Variants in MED28 observed in about 807,000 individuals in gnomAD.
The protein encoded by MED28 is mediator of RNA polymerase II transcription subunit 28.
In MED28, 26 loss-of-function variants were observed where a neutral mutation model predicts 21.3. The ratio of observed to expected loss-of-function variants is 1.22; its 90% CI spans 0.89 to 1.69. The LOEUF is 1.69. Among genes scored for constraint, MED28 ranks in the 40% most tolerant of loss-of-function variants. MED28 has a pLI of 0.00. For missense variants in MED28, 257 were observed against 215.4 expected (o/e 1.19, Z -1.21); for synonymous variants, 110 against 87.6 (o/e 1.26, Z -1.43).
Position 17,624,042 on chromosome 4 carries a change from A to G in MED28, c.*244A>G. The G allele has an allele frequency of 2.0e-6, 1 of 504,518 alleles. No individual in the cohort carries two copies. The highest frequency in any genetic ancestry group is 2.6e-5 in the South Asian group (1 of 39,184). The allele number at this position is 504,518 out of a possible 1,614,324, so 31.3% of individuals were successfully genotyped here. Reference sequence around the variant, plus strand: ...TTTTTTTTTGTCTTTAGCAAAGTTTAGACTGTGAATATGATGACACAGATT... The same window carrying G: ...TTTTTTTTTGTCTTTAGCAAAGTTTGGACTGTGAATATGATGACACAGATT... On this transcript the variant is annotated 3_prime_UTR_variant, in exon 4 of 4. Transcript: ENST00000237380.
At chr4:17,615,557 A>T (rs1448832723) in intron 1 of MED28, among the ~76,000 whole-genome samples, 1 of 152,184 alleles carries the variant, frequency 6.6e-6, no homozygotes, top group Non-Finnish European at 1.5e-5. Context: ...CACGCCTGTA[A>T]TCCCAGCACT....
At chr4:17,616,661 A>G (rs1052939224) in intron 1 of MED28, among the ~76,000 whole-genome samples, 2 of 152,158 alleles carry the variant, frequency 1.3e-5, no homozygotes, top group Non-Finnish European at 2.9e-5. Flanking sequence ...TCACTTCCTC[A>G]GTGGACCCTT....
At position 17,632,950 on chromosome 4, in the gene MED28, C is replaced by G. The variant is rs1168762963; in HGVS notation, c.*9152C>G. 1.1e-5 allele frequency: 2 copies of G among 190,074 alleles called. No individual in the cohort carries two copies. The highest frequency in any genetic ancestry group is 2.2e-5 in the Non-Finnish European group (2 of 90,280). The allele number at this position is 190,074 out of a possible 1,614,324, so 11.8% of individuals were successfully genotyped here. On this transcript the variant is annotated 3_prime_UTR_variant, in exon 4 of 4. Coordinates refer to ENST00000237380, the MANE Select transcript of MED28 (RefSeq NM_025205.5). ...TTGTTTTTATTTTTTGTGACAGAGT[C>G]TCCCTCTGTCACCCAGGCTGGAGTG...
rs369807001 is a variant in MED28 at position 17,622,292 on chromosome 4, CAGTG to C, written c.339+596_339+599del. 7.9e-4 allele frequency among the ~76,000 whole-genome samples: 120 copies of C among 152,294 alleles called. 4 individuals are homozygous for C. In the South Asian group the frequency reaches 0.022, roughly 28 times the overall value. ...CTGCCCAAAAAGCCGGCAATGCCCT[CAGTG>C]AGAAACACTGAATTGAGATTATTGG... On this transcript the variant is annotated intron_variant, in intron 3 of 3. Transcript: ENST00000237380.
In MED28 at chr4:17,614,829, G is replaced by C; in HGVS notation, c.159+16G>C. On this transcript the variant is annotated intron_variant, in intron 1 of 3. Transcript: ENST00000237380. The stretch of plus-strand genomic sequence containing the variant: ...ATCTTTCGAGGTAATATAAGACATG[G>C]GCGTCTTTGTCCCTAGCCTTCCCTT... 1 of 1,587,736 alleles carries C rather than the reference G, an allele frequency of 6.3e-7. No homozygotes were observed. The highest frequency in any genetic ancestry group is 2.2e-5 in the East Asian group (1 of 44,492).
rs1490731412 is a variant in MED28 at position 17,633,315 on chromosome 4, C to G, written c.*9517C>G. The G allele has an allele frequency of 6.0e-6, 1 of 167,538 alleles. No individual in the cohort carries two copies. Among genetic ancestry groups the G allele is most frequent in the Non-Finnish European group, 1.3e-5 (1 of 78,872 alleles). The allele number at this position is 167,538 out of a possible 1,614,324, so 10.4% of individuals were successfully genotyped here. A position where few individuals can be genotyped will look rare whatever the true frequency, so the allele number is the denominator to read the frequency against. ...GAAACTATATTGAAGATTTTTGTGC[C>G]AAGTCCTGTGCTAAGCACATCCTAT... On this transcript the variant is annotated 3_prime_UTR_variant, in exon 4 of 4. Transcript: ENST00000237380.
chr4:17,631,855 A>C lies in MED28; in HGVS notation c.*8057A>C. On this transcript the variant is annotated 3_prime_UTR_variant, in exon 4 of 4. Transcript: ENST00000237380. ...TCATTTTACATAGAAACAGCTTTCC[A>C]GTGGAGTTGACTAGCATCCTAAGGA... 1 of 152,210 alleles carries C rather than the reference A, an allele frequency of 6.6e-6. No homozygotes were observed. The highest frequency in any genetic ancestry group is 2.4e-5 in the African/African-American group (1 of 41,514). 9.4% of individuals were successfully genotyped at this position (152,210 alleles called of 1,614,324 possible). A position where few individuals can be genotyped will look rare whatever the true frequency, so the allele number is the denominator to read the frequency against.
intron 1 of MED28, among the ~76,000 whole-genome samples, chr4:17,616,262 A>G (rs557970964): frequency 1.3e-5 from 2 of 152,284 alleles, no homozygotes; most frequent in East Asian, 3.9e-4. Flanking sequence ...GCCAGAAATA[A>G]ATGATTTAAA....
rs1047386186 is a variant in MED28, at chr4:17,630,574, T to A, written c.*6776T>A. ...TTGTTTATAAATTATCCAGTATAAG[T>A]AAGATATTTTGTTAGAGCAGCCTGA... On this transcript the variant is annotated 3_prime_UTR_variant, in exon 4 of 4. Transcript: ENST00000237380. 6.6e-6 allele frequency: 1 copy of A among 152,116 alleles called. No homozygotes were observed. Among genetic ancestry groups the A allele is most frequent in the African/African-American group, 2.4e-5 (1 of 41,454 alleles). 9.4% of individuals were successfully genotyped at this position (152,116 alleles called of 1,614,324 possible).
rs1714817753 is a variant in MED28, at chr4:17,628,239, A to C, written c.*4441A>C. 1 of 148,082 alleles carries C rather than the reference A, an allele frequency of 6.8e-6. No homozygotes were observed. The highest frequency in any genetic ancestry group is 2.1e-4 in the South Asian group (1 of 4,692). 9.2% of individuals were successfully genotyped at this position (148,082 alleles called of 1,614,324 possible). A position where few individuals can be genotyped will look rare whatever the true frequency, so the allele number is the denominator to read the frequency against. Reference sequence around the variant, plus strand: ...TACCAAACATCCTTCTGCTGGTTAAAACGAGTGACAGCTGCCGTGTGTGTG... The same window carrying C: ...TACCAAACATCCTTCTGCTGGTTAACACGAGTGACAGCTGCCGTGTGTGTG... On this transcript the variant is annotated 3_prime_UTR_variant, in exon 4 of 4. Transcript: ENST00000237380.
Position 17,633,626 on chromosome 4 carries a change from C to T in MED28, c.*9828C>T, listed in dbSNP as rs1275620900. The T allele has an allele frequency of 3.7e-6, 5 of 1,350,872 alleles. No individual in the cohort carries two copies. The African/African-American group carries it at 4.5e-5, about 12-fold the overall frequency. 83.7% of individuals were successfully genotyped at this position (1,350,872 alleles called of 1,614,324 possible). A position where few individuals can be genotyped will look rare whatever the true frequency, so the allele number is the denominator to read the frequency against. Reference sequence around the variant, plus strand: ...TTGGTACCAGGTGCTAGAAAGAATCCTACTTCCCCTCTTATCTACAGGGAA... The same window carrying T: ...TTGGTACCAGGTGCTAGAAAGAATCTTACTTCCCCTCTTATCTACAGGGAA... On this transcript the variant is annotated 3_prime_UTR_variant, in exon 4 of 4. Transcript: ENST00000237380.
chr4:17,622,404 A>G (rs186116733), intron 3 of MED28, among the ~76,000 whole-genome samples: 317 of 152,332 alleles, frequency 2.1e-3, no homozygotes, highest in Middle Eastern at 0.01. Context: ...GGGGATAGCT[A>G]TTCTTACAGT....
In MED28 at chr4:17,623,736, G is replaced by A. The variant is rs767298209; in HGVS notation, c.475G>A (p.Gly159Ser). ...CAAAAAGCCCGCCGACATCCCTCAG[G>A]GCTCCTTGGCCTACCTGGAGCAGGC... is the stretch of plus-strand genomic sequence containing the variant. The part of the protein sequence containing the change: ...QHKKPADIPQ[G>S]SLAYLEQASA... Residue 159 changes from glycine to serine, a missense_variant, in exon 4 of 4, where the codon GGC becomes AGC. Physicochemically the swap from Gly to Ser is moderately conservative, Grantham distance 56 (BLOSUM62 0). Transcript: ENST00000237380. 4 of 1,614,180 alleles carry A rather than the reference G, an allele frequency of 2.5e-6. No individual in the cohort carries two copies. The highest frequency in any genetic ancestry group is 3.4e-6 in the Non-Finnish European group (4 of 1,180,032).
intron 3 of MED28, 30 bp from the exon 4 acceptor site, chr4:17,623,569 GCT>G: frequency 6.2e-7 from 1 of 1,607,234 alleles, no homozygotes; most frequent in African/African-American, 1.3e-5. Flanking sequence ...TCCTGCATTT[GCT>G]CTGACTTAGT....
chr4:17,627,099 C>CA lies in MED28; in HGVS notation c.*3302dup, dbSNP rs1288433238. The CA allele has an allele frequency of 6.6e-6, 1 of 152,030 alleles. No individual in the cohort carries two copies. The highest frequency in any genetic ancestry group is 1.5e-5 in the Non-Finnish European group (1 of 68,228). The allele number at this position is 152,030 out of a possible 1,614,324, so 9.4% of individuals were successfully genotyped here. On this transcript the variant is annotated 3_prime_UTR_variant, in exon 4 of 4. Transcript: ENST00000237380. ...CTACGTCAGCCTCCCGAGTAGCTGT[C>CA]AGGTGCACACCACTACACCCAGATA...
chr4:17,626,459 GGTCA>G lies in MED28; in HGVS notation c.*2664_*2667del, dbSNP rs1215932736. 1 of 152,208 alleles carries G rather than the reference GGTCA, an allele frequency of 6.6e-6. No homozygotes were observed. The highest frequency in any genetic ancestry group is 1.9e-4 in the East Asian group (1 of 5,196). 9.4% of individuals were successfully genotyped at this position (152,208 alleles called of 1,614,324 possible). Reference sequence around the variant, plus strand: ...GTGAGTTTTCACACCCCTCTTCCCTGGTCAGTGTGTTGATAACAGCCCACCCACC... The same window carrying G: ...GTGAGTTTTCACACCCCTCTTCCCTGGTGTGTTGATAACAGCCCACCCACC... On this transcript the variant is annotated 3_prime_UTR_variant, in exon 4 of 4. Transcript: ENST00000237380.
intron 1 of MED28, among the ~76,000 whole-genome samples, chr4:17,619,221 C>G (rs987127635): frequency 1.1e-4 from 17 of 152,136 alleles, no homozygotes; most frequent in Non-Finnish European, 2.9e-5. Context: ...TATAGGTGCC[C>G]TTTAGAGATA....
intron 3 of MED28, 60 bp from the exon 4 acceptor site, chr4:17,623,541 C>A: frequency 1.3e-6 from 2 of 1,542,046 alleles, no homozygotes; most frequent in South Asian, 1.1e-5. Flanking sequence ...CTTAACTAAC[C>A]AGAACCGTAT....
rs1714855468 is a variant in MED28 at position 17,629,233 on chromosome 4, A to C, written c.*5435A>C. 3 of 152,020 alleles carry C rather than the reference A, an allele frequency of 2.0e-5. No homozygotes were observed. The highest frequency in any genetic ancestry group is 2.0e-4 in the Admixed American group (3 of 15,272). 9.4% of individuals were successfully genotyped at this position (152,020 alleles called of 1,614,324 possible). A position where few individuals can be genotyped will look rare whatever the true frequency, so the allele number is the denominator to read the frequency against. On this transcript the variant is annotated 3_prime_UTR_variant, in exon 4 of 4. Coordinates refer to ENST00000237380, the MANE Select transcript of MED28 (RefSeq NM_025205.5). Reference sequence around the variant, plus strand: ...GGGTGACAGAGCAAGACTCCGTCTCAAAAACAAACACACAGTACTGCATCC... The same window carrying C: ...GGGTGACAGAGCAAGACTCCGTCTCCAAAACAAACACACAGTACTGCATCC...
Sources: allele counts gnomAD v4.1 joint callset (sites outside exome capture counted in the v4.1 genomes callset), GRCh38; gene constraint gnomAD v4.1.1; transcripts MANE v1.5; gene names NCBI Gene and HGNC (gene_info 2026-07-23, HGNC 2026-07-21).